Variants in GRIK3 observed in about 807,000 individuals in gnomAD.
GRIK3 encodes the protein glutamate ionotropic receptor kainate type subunit 3, also known as glutamate receptor ionotropic, kainate 3.
In GRIK3, 29 loss-of-function variants were observed where a neutral mutation model predicts 102.5. That is an observed-to-expected ratio of 0.28 (90% confidence interval 0.21 to 0.39). The LOEUF (loss-of-function observed/expected upper bound fraction) is 0.39, where lower values mean the gene tolerates loss of function less well. GRIK3 is among the 10% of genes least tolerant of loss of function. The pLI is 1.00. For missense variants in GRIK3, 908 were observed against 1,252.4 expected (o/e 0.73, Z 4.15); for synonymous variants, 511 against 504.9 (o/e 1.01, Z -0.16).
chr1:36,859,577 T>G (rs1400293952), intron 6 of GRIK3, among the ~76,000 whole-genome samples: 1 of 148,030 alleles, frequency 6.8e-6, no homozygotes, highest in Admixed American at 6.9e-5. Context: ...ACAGCCTGAG[T>G]TCCTCTGTGA....
At chr1:36,846,591 G>A (rs1276004318) in intron 9 of GRIK3, among the ~76,000 whole-genome samples, 1 of 152,214 alleles carries the variant, frequency 6.6e-6, no homozygotes, top group Non-Finnish European at 1.5e-5. Context: ...TCCCAGACAG[G>A]CTGGGGCTGT....
chr1:36,962,146 C>T (rs1054666003), intron 1 of GRIK3, among the ~76,000 whole-genome samples: 9 of 152,296 alleles, frequency 5.9e-5, no homozygotes, highest in East Asian at 1.9e-4. Flanking sequence ...CCAGACATCA[C>T]GAGGCATGGC....
intron 1 of GRIK3, among the ~76,000 whole-genome samples, chr1:37,018,354 T>C (rs1233936607): frequency 1.3e-5 from 2 of 152,210 alleles, no homozygotes; most frequent in Non-Finnish European, 2.9e-5. Flanking sequence ...TGAATCAAAA[T>C]CTGCCTTCTC....
intron 10 of GRIK3, among the ~76,000 whole-genome samples, chr1:36,831,834 G>C (rs1017615169): frequency 6.6e-6 from 1 of 152,114 alleles, no homozygotes; most frequent in African/African-American, 2.4e-5. Context: ...GCATTGAAAG[G>C]CACTCCAACA....
At chr1:36,894,871 C>A (rs531497099) in intron 1 of GRIK3, among the ~76,000 whole-genome samples, 1 of 152,182 alleles carries the variant, frequency 6.6e-6, no homozygotes, top group South Asian at 2.1e-4. Context: ...GAAAAGGAAT[C>A]ATTTCAAAAT....
intron 13 of GRIK3, among the ~76,000 whole-genome samples, chr1:36,815,695 G>C (rs1446205367): frequency 5.9e-5 from 9 of 152,134 alleles, no homozygotes; most frequent in Admixed American, 2.6e-4. Flanking sequence ...GCACATTCTC[G>C]GCCCCATCTA....
At position 36,819,987 on chromosome 1, in the gene GRIK3, G is replaced by C; in HGVS notation, c.1755-133C>G. On this transcript the variant is annotated intron_variant, in intron 11 of 15. Coordinates refer to ENST00000373091, the MANE Select transcript of GRIK3 (RefSeq NM_000831.4). This position sits in a 1 kb window ranked among gnomAD's most constrained non-coding sequence, Gnocchi z 4.1. Reference sequence around the variant, plus strand: ...TCCTCATGGTTCTGCTGGGAGGCAGGGCAGGGGAATTTCTTCTTGTTCTTT... The same window carrying C: ...TCCTCATGGTTCTGCTGGGAGGCAGCGCAGGGGAATTTCTTCTTGTTCTTT... 1 of 604,928 alleles carries C rather than the reference G, an allele frequency of 1.7e-6. No individual in the cohort carries two copies. The highest frequency in any genetic ancestry group is 3.0e-6 in the Non-Finnish European group (1 of 330,134). The allele number at this position is 604,928 out of a possible 1,614,324, so 37.5% of individuals were successfully genotyped here.
At chr1:36,865,319 G>T (rs1257463469) in intron 5 of GRIK3, among the ~76,000 whole-genome samples, 1 of 152,202 alleles carries the variant, frequency 6.6e-6, no homozygotes, top group African/African-American at 2.4e-5. Context: ...AATATCTTCT[G>T]CATGGAAGAA....
chr1:36,957,897 C>T (rs553060084), intron 1 of GRIK3, among the ~76,000 whole-genome samples: 17 of 84,918 alleles, frequency 2.0e-4, no homozygotes, highest in African/African-American at 1.0e-3. Flanking sequence ...AGTCTGTGTG[C>T]CCTGTGAGTC....
At chr1:36,852,101 T>C (rs1256771312) in intron 8 of GRIK3, among the ~76,000 whole-genome samples, 1 of 152,124 alleles carries the variant, frequency 6.6e-6, no homozygotes, top group Admixed American at 6.5e-5. Flanking sequence ...CTCATAGAGT[T>C]TGTGTAGGGT....
chr1:37,019,244 C>A (rs1001159021), intron 1 of GRIK3, among the ~76,000 whole-genome samples: 5 of 152,170 alleles, frequency 3.3e-5, no homozygotes, highest in Non-Finnish European at 5.9e-5. Context: ...CCAAAGTGAA[C>A]CCTGGAGGGG....
intron 1 of GRIK3, among the ~76,000 whole-genome samples, chr1:36,944,846 C>T (rs186270374): frequency 3.7e-4 from 56 of 152,356 alleles, no homozygotes; most frequent in African/African-American, 1.3e-3. Flanking sequence ...CTGCAGAGCT[C>T]TCAGTCCACA....
chr1:36,929,109 T>G (rs1641560957), intron 1 of GRIK3, among the ~76,000 whole-genome samples: 1 of 152,158 alleles, frequency 6.6e-6, no homozygotes, highest in Non-Finnish European at 1.5e-5. Context: ...TGAAGAAACC[T>G]GCCCAAGGTC....
intron 1 of GRIK3, among the ~76,000 whole-genome samples, chr1:36,941,514 G>C (rs1205460045): frequency 6.6e-6 from 1 of 152,134 alleles, no homozygotes; most frequent in Non-Finnish European, 1.5e-5. Flanking sequence ...TGGCTCCCAT[G>C]CTGGCTGGCT....
intron 1 of GRIK3, among the ~76,000 whole-genome samples, chr1:36,955,064 C>T (rs538633281): frequency 6.6e-6 from 1 of 152,362 alleles, no homozygotes; most frequent in African/African-American, 2.4e-5. Flanking sequence ...AGACAGAGGC[C>T]TCAGCCACAT....
chr1:36,879,267 G>C (rs1429943424), intron 3 of GRIK3, among the ~76,000 whole-genome samples: 1 of 152,160 alleles, frequency 6.6e-6, no homozygotes, highest in African/African-American at 2.4e-5. Flanking sequence ...GCTGAGGTGG[G>C]AGGATTGCTT....
At chr1:36,949,212 C>A (rs1417169670) in intron 1 of GRIK3, among the ~76,000 whole-genome samples, 1 of 152,238 alleles carries the variant, frequency 6.6e-6, no homozygotes, top group Non-Finnish European at 1.5e-5. Context: ...CCTTTCTCAA[C>A]TTCATCTTGA....
chr1:36,979,307 G>A (rs1642226527), intron 1 of GRIK3, among the ~76,000 whole-genome samples: 1 of 152,210 alleles, frequency 6.6e-6, no homozygotes, highest in South Asian at 2.1e-4. Flanking sequence ...TGAACCAACA[G>A]GCCAGGTCTT....
chr1:36,981,384 G>A (rs926738404), intron 1 of GRIK3, among the ~76,000 whole-genome samples: 3 of 152,226 alleles, frequency 2.0e-5, no homozygotes, highest in Admixed American at 2.0e-4. Flanking sequence ...GGTGACCAGA[G>A]AGAGGGGGCA....
Sources: gnomAD v4.1 joint callset for allele counts (sites outside exome capture counted in the v4.1 genomes callset) on GRCh38, gnomAD v4.1.1 for gene constraint, Gnocchi (gnomAD v3.1) non-coding constraint, MANE v1.5 for transcripts, NCBI Gene and HGNC (gene_info 2026-07-23, HGNC 2026-07-21) for gene names.